The following LINGO2 variants were observed in gnomAD, a reference collection of about 807,000 sequenced individuals.
LINGO2 encodes the protein leucine-rich repeat and immunoglobulin-like domain-containing nogo receptor-interacting protein 2.
LINGO2 carries 14 observed loss-of-function variants against 30.6 expected under a neutral mutation model. The ratio of observed to expected loss-of-function variants is 0.46; its 90% CI spans 0.30 to 0.72. The LOEUF is 0.72. LINGO2 is among the 30% of genes least tolerant of loss of function. The pLI, the probability that LINGO2 is intolerant of heterozygous loss-of-function variation, is 0.07. For synonymous variants in LINGO2, 317 were observed against 288.5 expected (o/e 1.10, Z -1.00); for missense variants, 729 against 751.7 (o/e 0.97, Z 0.35).
chr9:28,540,776 A>G (rs1244035040), intron 1 of LINGO2, among the ~76,000 whole-genome samples: 6 of 152,192 alleles, frequency 3.9e-5, no homozygotes, highest in African/African-American at 1.4e-4. Flanking sequence ...ACTATAGAAG[A>G]TTAGATGTGT....
intron 2 of LINGO2, among the ~76,000 whole-genome samples, chr9:28,404,903 T>TGTGTGTGTGA (rs1216466014): frequency 3.6e-5 from 4 of 112,618 alleles, no homozygotes; most frequent in African/African-American, 1.0e-4. Context: ...AGCCGCTTTG[T>TGTGTGTGTGA]GTGTGTGTGT....
At chr9:28,258,921 C>CAAA (rs36088138) in intron 4 of LINGO2, among the ~76,000 whole-genome samples, 5 of 146,412 alleles carry the variant, frequency 3.4e-5, no homozygotes, top group African/African-American at 5.1e-5. Flanking sequence ...TTTCATAAGT[C>CAAA]AAAAAAAAAA....
the LINGO2 span, among the ~76,000 whole-genome samples, chr9:29,190,098 T>C: frequency 6.6e-6 from 1 of 152,028 alleles, no homozygotes; most frequent in African/African-American, 2.4e-5. Context: ...AACATTGTAC[T>C]TAATCAGTTT....
intron 1 of LINGO2, among the ~76,000 whole-genome samples, chr9:28,478,386 T>C (rs1381455362): frequency 1.3e-5 from 2 of 152,232 alleles, no homozygotes; most frequent in East Asian, 3.9e-4. Flanking sequence ...AAAACAAATA[T>C]GAGTTACATG....
chr9:28,499,997 C>T (rs1186530260), intron 1 of LINGO2, among the ~76,000 whole-genome samples: 1 of 152,134 alleles, frequency 6.6e-6, no homozygotes, highest in Non-Finnish European at 1.5e-5. Context: ...AATTGTGACA[C>T]CAGAGATTTT....
the LINGO2 span, among the ~76,000 whole-genome samples, chr9:28,684,248 TG>T: frequency 8.2e-6 from 1 of 121,596 alleles, no homozygotes; most frequent in African/African-American, 3.2e-5. Context: ...AGTGCAGTGG[TG>T]AAATCTCGGC....
intron 4 of LINGO2, among the ~76,000 whole-genome samples, chr9:28,281,080 G>A (rs1386849145): frequency 6.6e-6 from 1 of 152,022 alleles, no homozygotes; most frequent in East Asian, 1.9e-4. Flanking sequence ...TTGAAAATTA[G>A]CTGCTTTAAT....
At chr9:29,160,339 G>A in the LINGO2 span, among the ~76,000 whole-genome samples, 1 of 152,282 alleles carries the variant, frequency 6.6e-6, no homozygotes. Flanking sequence ...GTCAAATGTT[G>A]GTTCCACCAT....
intron 1 of LINGO2, among the ~76,000 whole-genome samples, chr9:28,665,866 A>T (rs1376073337): frequency 1.3e-5 from 2 of 151,504 alleles, no homozygotes; most frequent in African/African-American, 4.8e-5. Context: ...TATGATGAGT[A>T]CCAGACCATA....
chr9:28,470,936 CAT>C lies in LINGO2; in HGVS notation c.-279+5002_-279+5003del, dbSNP rs531962143. ...TATATAAAATATAAGTAATATATAA[CAT>C]ATATATTATACATAATTTTCTTTAT... On this transcript the variant is annotated intron_variant, in intron 2 of 5. Transcript: ENST00000379992. Among the ~76,000 whole-genome samples the C allele has an allele frequency of 2.8e-3, 411 of 147,440 alleles. 6 individuals are homozygous for C. The highest frequency in any genetic ancestry group is 0.012 in the South Asian group (57 of 4,748).
chr9:28,319,958 C>G (rs1169293018), intron 3 of LINGO2, among the ~76,000 whole-genome samples: 1 of 152,062 alleles, frequency 6.6e-6, no homozygotes, highest in East Asian at 1.9e-4. Flanking sequence ...AATTTTAGGG[C>G]TTAAAGTACT....
chr9:27,957,192 A>G (rs1384223113), intron 5 of LINGO2, among the ~76,000 whole-genome samples: 1 of 152,182 alleles, frequency 6.6e-6, no homozygotes, highest in Non-Finnish European at 1.5e-5. Flanking sequence ...CCGTATATGC[A>G]CATCTCCATT....
the LINGO2 span, among the ~76,000 whole-genome samples, chr9:28,741,257 C>A: frequency 6.6e-6 from 1 of 152,054 alleles, no homozygotes; most frequent in East Asian, 1.9e-4. Flanking sequence ...TCCATAGGTG[C>A]CAACGTGGTG....
the LINGO2 span, among the ~76,000 whole-genome samples, chr9:28,839,647 C>T: frequency 1.3e-5 from 2 of 152,082 alleles, 1 homozygote; most frequent in African/African-American, 4.8e-5. Context: ...GGGGTTTTTA[C>T]ATGCTTCAGA....
At chr9:28,632,713 T>C (rs1827020802) in intron 1 of LINGO2, among the ~76,000 whole-genome samples, 1 of 137,014 alleles carries the variant, frequency 7.3e-6, no homozygotes, top group Non-Finnish European at 1.5e-5. Context: ...TATATTTATA[T>C]ATAGATCTAT....
At chr9:28,790,325 C>CTTTCTTT in the LINGO2 span, among the ~76,000 whole-genome samples, 5 of 106,300 alleles carry the variant, frequency 4.7e-5, 1 homozygote, top group African/African-American at 1.6e-4. Flanking sequence ...TCTTTTCTTT[C>CTTTCTTT]TTTTTTTTTT....
At chr9:27,953,187 A>G (rs1006687078) in intron 5 of LINGO2, among the ~76,000 whole-genome samples, 1 of 152,154 alleles carries the variant, frequency 6.6e-6, no homozygotes, top group Non-Finnish European at 1.5e-5. Flanking sequence ...ATGAACATCC[A>G]CATACTGATA....
chr9:28,473,409 TCTCA>T (rs1475486287), intron 2 of LINGO2, among the ~76,000 whole-genome samples: 15 of 151,760 alleles, frequency 9.9e-5, no homozygotes, highest in African/African-American at 3.4e-4. Flanking sequence ...TCTCTCTCTC[TCTCA>T]CACACACACA....
At chr9:28,108,487 C>T (rs1465761709) in intron 4 of LINGO2, among the ~76,000 whole-genome samples, 5 of 152,066 alleles carry the variant, frequency 3.3e-5, no homozygotes, top group African/African-American at 1.2e-4. Flanking sequence ...CTCCATGGCA[C>T]CTTCATCTCA....
Sources: allele counts gnomAD v4.1 joint callset (sites outside exome capture counted in the v4.1 genomes callset), GRCh38; gene constraint gnomAD v4.1.1; transcripts MANE v1.5; gene names NCBI Gene and HGNC (gene_info 2026-07-23, HGNC 2026-07-21).